Variants in CASZ1 observed in about 807,000 individuals in gnomAD.
CASZ1 encodes the protein zinc finger protein castor homolog 1.
In CASZ1, 28 loss-of-function variants were observed where a neutral mutation model predicts 135.2. The observed-to-expected ratio is 0.21, with a 90% CI of 0.15 to 0.28. CASZ1 has a LOEUF of 0.28. Ranked by LOEUF, CASZ1 falls within the 10% of genes least tolerant of loss-of-function variation. The pLI is 1.00. For synonymous variants in CASZ1, 1,068 were observed against 1,073.4 expected (o/e 0.99, Z 0.10); for missense variants, 2,161 against 2,453.3 (o/e 0.88, Z 2.52).
intron 1 of CASZ1, among the ~76,000 whole-genome samples, chr1:10,765,327 C>A (rs1172656637): frequency 1.3e-5 from 2 of 151,672 alleles, no homozygotes; most frequent in South Asian, 2.1e-4. Context: ...TTTCATAAAC[C>A]ACCCGAGTGA....
chr1:10,680,203 A>G (rs1264177325), intron 4 of CASZ1, among the ~76,000 whole-genome samples: 1 of 147,746 alleles, frequency 6.8e-6, no homozygotes, highest in Non-Finnish European at 1.5e-5. Context: ...CCTAAAGGCC[A>G]GGAGAGCCCC....
intron 11 of CASZ1, chr1:10,651,298 G>A: frequency 7.6e-6 from 1 of 131,980 alleles, no homozygotes. Context: ...CTGGCTCAGG[G>A]CCTCCTGGAG....
At position 10,707,690 on chromosome 1, in the gene CASZ1, G is replaced by A. The variant is rs780307833; in HGVS notation, c.-76-2146C>T. On this transcript the variant is annotated intron_variant, in intron 2 of 20. Transcript: ENST00000377022. This position sits in a 1 kb window ranked among gnomAD's most constrained non-coding sequence, Gnocchi z 5.0. ...GGGACCCTGGGATACTGGGACCCCA[G>A]TGGGGGCCTAAGAAGTAGCTGAGAG... Among the ~76,000 whole-genome samples, 1 of 152,158 alleles carries A rather than the reference G, an allele frequency of 6.6e-6. No homozygotes were observed. Among genetic ancestry groups the A allele is most frequent in the South Asian group, 2.1e-4 (1 of 4,828 alleles).
At position 10,647,988 on chromosome 1, in the gene CASZ1, C is replaced by A; in HGVS notation, c.3310G>T (p.Ala1104Ser). The change falls in exon 16 of 21, where the codon GCT (alanine) becomes TCT (serine). Residue 1104 changes from alanine (A) to serine (S), a missense_variant. By Grantham distance (99) the Ala-to-Ser change is moderately conservative. Transcript: ENST00000377022. The surrounding 1 kb of genome is among the most constrained non-coding windows in gnomAD (Gnocchi z 4.9). ...GAGGGCACGGAGGCCGGGCTGGGAG[C>A]GGGCCCCTCCAGAGAGGACACCGTG... ...TATVSSLEGP[A>S]PSPASVPSTP... 2 of 1,604,238 alleles carry A rather than the reference C, an allele frequency of 1.2e-6. No homozygotes were observed. The highest frequency in any genetic ancestry group is 1.7e-6 in the Non-Finnish European group (2 of 1,175,024).
At chr1:10,688,196 C>T (rs531058588) in intron 4 of CASZ1, among the ~76,000 whole-genome samples, 4 of 152,128 alleles carry the variant, frequency 2.6e-5, no homozygotes, top group South Asian at 2.1e-4. Flanking sequence ...CACATGAGTC[C>T]GAGTGCTGGG....
At chr1:10,738,022 G>A (rs538075825) in intron 2 of CASZ1, among the ~76,000 whole-genome samples, 7 of 152,328 alleles carry the variant, frequency 4.6e-5, no homozygotes, top group East Asian at 1.9e-4. Context: ...TCCAAGTGCC[G>A]GTGGGGCAGC....
At chr1:10,715,386 G>A (rs1043995668) in intron 2 of CASZ1, among the ~76,000 whole-genome samples, 1 of 152,052 alleles carries the variant, frequency 6.6e-6, no homozygotes, top group African/African-American at 2.4e-5. Flanking sequence ...CCAAGCCCTT[G>A]GCTCTGTTGG....
Position 10,639,634 on chromosome 1 carries a change from C to T in CASZ1, c.4588G>A (p.Val1530Ile), listed in dbSNP as rs1237707249. 1.2e-6 allele frequency: 2 copies of T among 1,607,910 alleles called. No individual in the cohort carries two copies. The highest frequency in any genetic ancestry group is 1.7e-6 in the Non-Finnish European group (2 of 1,178,732). Residue 1530 changes from valine to isoleucine, a missense_variant, in exon 21 of 21, where the codon GTC becomes ATC. By Grantham distance (29) the Val-to-Ile change is conservative. This residue lies in a region of CASZ1 where 240 missense variants were observed against 321.4 expected (regional missense o/e 0.75). Transcript: ENST00000377022. The surrounding 1 kb of genome is among the most constrained non-coding windows in gnomAD (Gnocchi z 4.0). ...CCGTGGTGCTTGCGATGCGCCGTGA[C>T]CTTGGTGCTGTCGGTGCAGCGGAAG... ...CRFRCTDSTK[V>I]TAHRKHHGKQ...
intron 4 of CASZ1, among the ~76,000 whole-genome samples, chr1:10,675,975 C>G: frequency 6.6e-6 from 1 of 152,224 alleles, no homozygotes; most frequent in East Asian, 1.9e-4. Flanking sequence ...TCTTCTCCCT[C>G]AAGTTCCATC....
intron 4 of CASZ1, among the ~76,000 whole-genome samples, chr1:10,675,322 G>C (rs554547764): frequency 6.6e-5 from 10 of 152,216 alleles, no homozygotes; most frequent in Admixed American, 6.5e-4. Context: ...GACAGAGGAC[G>C]GGGCCAGGGT....
intron 1 of CASZ1, among the ~76,000 whole-genome samples, chr1:10,792,308 T>C (rs1441342562): frequency 9.5e-6 from 1 of 105,312 alleles, no homozygotes; most frequent in Non-Finnish European, 1.7e-5. Flanking sequence ...GCTCTGTACA[T>C]GGCTTACCCC....
At chr1:10,656,383 C>T (rs61776295) in intron 8 of CASZ1, among the ~76,000 whole-genome samples, 14,005 of 152,248 alleles carry the variant, frequency 0.092, 860 homozygotes, top group Middle Eastern at 0.18. Context: ...GCCCTGGGCA[C>T]GTGGGAGGCT....
chr1:10,674,422 G>A (rs575806813), intron 4 of CASZ1, among the ~76,000 whole-genome samples: 1 of 152,380 alleles, frequency 6.6e-6, no homozygotes, highest in Non-Finnish European at 1.5e-5. Context: ...CCCCGGCACC[G>A]CTGCTGCGGG....
At position 10,699,452 on chromosome 1, in the gene CASZ1, A is replaced by G. The variant is rs1639013750; in HGVS notation, c.-23-5540T>C. On this transcript the variant is annotated intron_variant, in intron 3 of 20. Coordinates refer to ENST00000377022, the MANE Select transcript of CASZ1 (RefSeq NM_001079843.3). The surrounding 1 kb of genome is among the most constrained non-coding windows in gnomAD (Gnocchi z 4.6). ...GGATGTGGCATCGGTGGGGGCATAA[A>G]GTGACCCAAGGTCTGAAAGCCAAGG... Among the ~76,000 whole-genome samples the G allele has an allele frequency of 6.6e-6, 1 of 152,120 alleles. No homozygotes were observed. Among genetic ancestry groups the G allele is most frequent in the African/African-American group, 2.4e-5 (1 of 41,422 alleles).
At chr1:10,783,309 G>A (rs188865474) in intron 1 of CASZ1, among the ~76,000 whole-genome samples, 33 of 151,692 alleles carry the variant, frequency 2.2e-4, no homozygotes, top group Admixed American at 1.3e-4. Flanking sequence ...ATGGGCAAGC[G>A]TATATGTTTT....
chr1:10,701,327 G>A lies in CASZ1; in HGVS notation c.-24+4165C>T, dbSNP rs960827240. ...CAGACACTCATATTCTCCATGTGCA[G>A]CAGACCGTGAATTCACCTTCATACT... On this transcript the variant is annotated intron_variant, in intron 3 of 20. Coordinates refer to ENST00000377022, the MANE Select transcript of CASZ1 (RefSeq NM_001079843.3). The surrounding 1 kb of genome is among the most constrained non-coding windows in gnomAD (Gnocchi z 6.3). 2.6e-5 allele frequency among the ~76,000 whole-genome samples: 4 copies of A among 152,342 alleles called. No individual in the cohort carries two copies. Among genetic ancestry groups the A allele is most frequent in the African/African-American group, 9.6e-5 (4 of 41,570 alleles).
In CASZ1 at chr1:10,776,499, C is replaced by T. The variant is rs1640663473; in HGVS notation, c.-233-15642G>A. ...TCTCACGTCTTGGCCTCTCAGTACTCGGCAAGTTCACACCAGAGGGCTCTG... is the reference window on the plus strand; with the variant it reads ...TCTCACGTCTTGGCCTCTCAGTACTTGGCAAGTTCACACCAGAGGGCTCTG... On this transcript the variant is annotated intron_variant, in intron 1 of 20. Coordinates refer to ENST00000377022, the MANE Select transcript of CASZ1 (RefSeq NM_001079843.3). The surrounding 1 kb of genome is among the most constrained non-coding windows in gnomAD (Gnocchi z 4.1). 6.6e-6 allele frequency among the ~76,000 whole-genome samples: 1 copy of T among 152,228 alleles called. No individual in the cohort carries two copies. Among genetic ancestry groups the T allele is most frequent in the Non-Finnish European group, 1.5e-5 (1 of 68,036 alleles).
intron 3 of CASZ1, among the ~76,000 whole-genome samples, chr1:10,703,626 C>T (rs1314723685): frequency 6.6e-6 from 1 of 151,772 alleles, no homozygotes; most frequent in Non-Finnish European, 1.5e-5. Context: ...CTTTTTTTTT[C>T]AAGGTGCTCC....
chr1:10,636,667 A>C lies in CASZ1; in HGVS notation c.*2275T>G, dbSNP rs1384502817. On this transcript the variant is annotated 3_prime_UTR_variant, in exon 21 of 21. Transcript: ENST00000377022. ...TGCATCAGTCATGCAAAAAAAAAAAAAAAAATCAAATAAATAAAACACATA... is the reference window on the plus strand; with the variant it reads ...TGCATCAGTCATGCAAAAAAAAAAACAAAAATCAAATAAATAAAACACATA... 5 of 152,436 alleles carry C rather than the reference A, an allele frequency of 3.3e-5. No homozygotes were observed. The East Asian group carries it at 7.7e-4, about 24-fold the overall frequency. 9.4% of individuals were successfully genotyped at this position (152,436 alleles called of 1,614,324 possible).
Sources: allele counts gnomAD v4.1 joint callset (sites outside exome capture counted in the v4.1 genomes callset), GRCh38; gene constraint gnomAD v4.1.1; regional missense constraint gnomAD v4.1.1; non-coding constraint Gnocchi (gnomAD v3.1); transcripts MANE v1.5; gene names NCBI Gene and HGNC (gene_info 2026-07-23, HGNC 2026-07-21).